Variants in PEBP4 observed in about 807,000 individuals in gnomAD.
PEBP4 encodes phosphatidylethanolamine binding protein 4.
PEBP4 carries 22 observed loss-of-function variants against 23.9 expected under a neutral mutation model. The observed-to-expected ratio is 0.92, with a 90% CI of 0.66 to 1.31. The LOEUF (loss-of-function observed/expected upper bound fraction) is 1.31. PEBP4 is among the 40% of genes most tolerant of loss of function. The pLI is 0.00. For synonymous variants in PEBP4, 112 were observed against 99.3 expected, an observed-to-expected ratio of 1.13 and a Z score of -0.76; for missense variants, 324 against 281.7, an observed-to-expected ratio of 1.15 and a Z score of -1.07.
Position 22,803,913 on chromosome 8 carries a change from C to A in PEBP4, c.357+13724G>T, listed in dbSNP as rs73671297. 6.1e-3 allele frequency among the ~76,000 whole-genome samples: 936 copies of A among 152,316 alleles called. 8 individuals are homozygous for A. The highest frequency in any genetic ancestry group is 0.021 in the African/African-American group (879 of 41,572). ...CCTCACAACGGGTTCTGAGGCTGCTCTCTCCATGGCCACGGCTCTTGCCTT... is the reference window on the plus strand; with the variant it reads ...CCTCACAACGGGTTCTGAGGCTGCTATCTCCATGGCCACGGCTCTTGCCTT... On this transcript the variant is annotated intron_variant, in intron 4 of 6. Transcript: ENST00000256404.
At chr8:22,870,971 T>A (rs1180280836) in intron 3 of PEBP4, among the ~76,000 whole-genome samples, 1 of 152,086 alleles carries the variant, frequency 6.6e-6, no homozygotes, top group East Asian at 1.9e-4. Context: ...TTCTGGAGGA[T>A]CCTCTACAGA....
chr8:22,910,886 T>C (rs1477406499), intron 3 of PEBP4, among the ~76,000 whole-genome samples: 3 of 152,156 alleles, frequency 2.0e-5, no homozygotes, highest in Non-Finnish European at 4.4e-5. Flanking sequence ...ATCACGCATT[T>C]GTAGAAACCC....
At chr8:22,828,705 G>A (rs976353444) in intron 3 of PEBP4, among the ~76,000 whole-genome samples, 1 of 152,166 alleles carries the variant, frequency 6.6e-6, no homozygotes, top group African/African-American at 2.4e-5. Flanking sequence ...CTTCTTGGTT[G>A]CTACATTCAC....
chr8:22,752,174 G>T (rs1281518543), intron 4 of PEBP4, among the ~76,000 whole-genome samples: 3 of 152,168 alleles, frequency 2.0e-5, no homozygotes, highest in East Asian at 1.9e-4. Flanking sequence ...CTCCCAAAGT[G>T]CTGGGATCAC....
chr8:22,723,531 T>G (rs530359495), intron 6 of PEBP4, among the ~76,000 whole-genome samples: 22 of 152,210 alleles, frequency 1.4e-4, no homozygotes, highest in Admixed American at 7.2e-4. Context: ...CTTCATTTTA[T>G]GAGAACCCCA....
intron 3 of PEBP4, among the ~76,000 whole-genome samples, chr8:22,826,453 T>G (rs1806970456): frequency 6.6e-6 from 1 of 152,228 alleles, no homozygotes; most frequent in Admixed American, 6.5e-5. Flanking sequence ...ATAAGGTTAT[T>G]CATTTCAGCC....
chr8:22,870,288 G>A (rs577836309), intron 3 of PEBP4, among the ~76,000 whole-genome samples: 4 of 152,308 alleles, frequency 2.6e-5, no homozygotes, highest in East Asian at 3.9e-4. Flanking sequence ...ATGAAAAGAC[G>A]CAGAGGAATC....
At chr8:22,741,081 G>C (rs1434005193) in intron 4 of PEBP4, among the ~76,000 whole-genome samples, 1 of 152,190 alleles carries the variant, frequency 6.6e-6, no homozygotes, top group African/African-American at 2.4e-5. Flanking sequence ...CTTCCGTGTT[G>C]CCTATAGACC....
At chr8:22,730,801 G>T (rs1804714058) in intron 4 of PEBP4, among the ~76,000 whole-genome samples, 1 of 152,220 alleles carries the variant, frequency 6.6e-6, no homozygotes, top group Admixed American at 6.5e-5. Context: ...GAGGCTGAAA[G>T]TTGGGCTTTC....
chr8:22,732,419 G>A (rs1008410450), intron 4 of PEBP4, among the ~76,000 whole-genome samples: 26 of 152,268 alleles, frequency 1.7e-4, no homozygotes, highest in Admixed American at 1.6e-3. Flanking sequence ...TGGGGGCGTG[G>A]GGAGGGAGAA....
At chr8:22,768,558 C>T (rs1171882602) in intron 4 of PEBP4, among the ~76,000 whole-genome samples, 2 of 152,142 alleles carry the variant, frequency 1.3e-5, no homozygotes, top group Non-Finnish European at 2.9e-5. Flanking sequence ...ATTTTGTTTG[C>T]TTTGTATGTT....
In PEBP4 at chr8:22,844,504, G is replaced by A. The variant is rs149225452; in HGVS notation, c.259-26769C>T. Among the ~76,000 whole-genome samples, 200 of 152,308 alleles carry A rather than the reference G, an allele frequency of 1.3e-3. 1 individual carries two copies. Among genetic ancestry groups the A allele is most frequent in the African/African-American group, 4.5e-3 (189 of 41,564 alleles). ...TCCACCCACCTCAGCCTCCCAAAGT[G>A]CTGGGATTACAGGTGTGAGCCACCC... On this transcript the variant is annotated intron_variant, in intron 3 of 6. Transcript: ENST00000256404.
intron 3 of PEBP4, among the ~76,000 whole-genome samples, chr8:22,871,920 T>C (rs1026333995): frequency 6.6e-6 from 1 of 152,146 alleles, no homozygotes; most frequent in African/African-American, 2.4e-5. Context: ...TAGTCTTTTA[T>C]CCCTCACTCC....
chr8:22,929,032 C>T (rs191901918), upstream of PEBP4, among the ~76,000 whole-genome samples: 1 of 152,188 alleles, frequency 6.6e-6, no homozygotes, highest in Non-Finnish European at 1.5e-5. Flanking sequence ...CTTGCCCCAA[C>T]CAGAAAACAT....
At chr8:22,784,078 G>A (rs757846786) in intron 4 of PEBP4, among the ~76,000 whole-genome samples, 1 of 152,194 alleles carries the variant, frequency 6.6e-6, no homozygotes, top group Admixed American at 6.5e-5. Flanking sequence ...GTCCACATAC[G>A]TAGGAGGAGC....
rs146830894 is a variant in PEBP4, at chr8:22,918,166, C to T, written c.258+2018G>A. Among the ~76,000 whole-genome samples, 661 of 152,338 alleles carry T rather than the reference C, an allele frequency of 4.3e-3. 3 individuals are homozygous for T. Among genetic ancestry groups the T allele is most frequent in the Non-Finnish European group, 7.1e-3 (486 of 68,038 alleles). ...TGCCCAGGAATGGAATAAGGTGGCA[C>T]TCACTGACCACTTTGGCAAATCTCT... On this transcript the variant is annotated intron_variant, in intron 3 of 6. Coordinates refer to ENST00000256404, the MANE Select transcript of PEBP4 (RefSeq NM_144962.3).
chr8:22,904,703 AT>A (rs1808777210), intron 3 of PEBP4, among the ~76,000 whole-genome samples: 1 of 152,252 alleles, frequency 6.6e-6, no homozygotes. Flanking sequence ...AAAGATATAA[AT>A]TTTTGAAAAC....
rs1429859333 is a variant in PEBP4, at chr8:22,927,706, C to T, written c.9G>A (p.Trp3Ter). 2 of 1,613,686 alleles carry T rather than the reference C, an allele frequency of 1.2e-6. No individual in the cohort carries two copies. Among genetic ancestry groups the T allele is most frequent in the South Asian group, 1.1e-5 (1 of 90,978 alleles). ...GTGCTGCTGTGACCAGCCTCATTGTCCAACCCATGGGCACCTGGAACAGAA... is the reference window on the plus strand; with the variant it reads ...GTGCTGCTGTGACCAGCCTCATTGTTCAACCCATGGGCACCTGGAACAGAA... MG[W>*]TMRLVTAALL... is the part of the protein sequence containing the mutation. The change falls in exon 2 of 7, where the codon TGG becomes TGA. Residue 3 changes from tryptophan (W) to a stop codon, truncating the protein, a stop_gained. Transcript: ENST00000256404. LOFTEE classifies it high-confidence loss of function.
chr8:22,812,335 C>A (rs760461339), intron 4 of PEBP4, among the ~76,000 whole-genome samples: 2 of 152,216 alleles, frequency 1.3e-5, no homozygotes, highest in African/African-American at 4.8e-5. Flanking sequence ...CACCTGGAAG[C>A]GGCAGAGCCT....
Sources: gnomAD v4.1 joint callset for allele counts (sites outside exome capture counted in the v4.1 genomes callset) on GRCh38, gnomAD v4.1.1 for gene constraint, MANE v1.5 for transcripts, NCBI Gene and HGNC (gene_info 2026-07-23, HGNC 2026-07-21) for gene names.